The following SWT1 variants were observed in gnomAD, a reference collection of about 807,000 sequenced individuals.
SWT1 encodes transcriptional protein SWT1.
Under a neutral mutation model 107.3 loss-of-function variants are expected in SWT1, and 33 were observed. That is an observed-to-expected ratio of 0.31 (90% CI 0.23 to 0.41). The LOEUF is 0.41. Ranked by LOEUF, SWT1 falls within the 10% of genes least tolerant of loss-of-function variation. The probability of loss-of-function intolerance (pLI) is 1.00; values close to 1 mark genes in which losing one functional copy is unlikely to be tolerated. For missense variants in SWT1, 898 were observed against 1,028.9 expected (o/e 0.87, Z 1.74); for synonymous variants, 345 against 348.3 (o/e 0.99, Z 0.11).
At position 185,290,692 on chromosome 1, in the gene SWT1, A is replaced by G. The variant is rs1665207029; in HGVS notation, c.2592A>G (p.Gly864=). The change falls in exon 19 of 19, where the codon GGA becomes GGG. Residue 864 remains glycine, a synonymous_variant. Coordinates refer to ENST00000367500, the MANE Select transcript of SWT1 (RefSeq NM_017673.7). ...QTEYREKLTI[G]CRQLVEMEYT... The stretch of plus-strand genomic sequence containing the variant: ...CTCCTAGGGAAAAGTTAACCATTGG[A>G]TGCCGCCAGCTGGTTGAGATGGAAT... 1 of 1,580,130 alleles carries G rather than the reference A, an allele frequency of 6.3e-7. No individual in the cohort carries two copies. Among genetic ancestry groups the G allele is most frequent in the African/African-American group, 1.3e-5 (1 of 74,100 alleles).
rs577428490 is a variant in SWT1, at chr1:185,217,342, C to G, written c.2121+2687C>G. Among the ~76,000 whole-genome samples the G allele has an allele frequency of 6.2e-4, 95 of 152,250 alleles. 1 individual carries two copies. The highest frequency in any genetic ancestry group is 2.3e-3 in the African/African-American group (94 of 41,562). ...AACTTAATCTGTATTTACAGTTGCTCCCCATCACTCACATTACTGTCTGAG... is the reference window on the plus strand; with the variant it reads ...AACTTAATCTGTATTTACAGTTGCTGCCCATCACTCACATTACTGTCTGAG... On this transcript the variant is annotated intron_variant, in intron 14 of 18. Coordinates refer to ENST00000367500, the MANE Select transcript of SWT1 (RefSeq NM_017673.7).
intron 15 of SWT1, among the ~76,000 whole-genome samples, chr1:185,224,291 T>A (rs1659890564): frequency 6.6e-6 from 1 of 152,192 alleles, no homozygotes; most frequent in Non-Finnish European, 1.5e-5. Flanking sequence ...TCCGTTGGTT[T>A]ATGTGTCTGT....
At chr1:185,158,937 G>A (rs1653898021) in intron 1 of SWT1, among the ~76,000 whole-genome samples, 1 of 152,106 alleles carries the variant, frequency 6.6e-6, no homozygotes. Context: ...CTTGATTAGG[G>A]GTGCAGGATC....
chr1:185,257,499 G>T (rs916892871), intron 16 of SWT1, among the ~76,000 whole-genome samples: 3 of 152,162 alleles, frequency 2.0e-5, no homozygotes, highest in African/African-American at 7.2e-5. Context: ...CGTTTTTTAA[G>T]CCGGTCGGAA....
At chr1:185,247,606 A>G (rs1001938726) in intron 16 of SWT1, among the ~76,000 whole-genome samples, 2 of 152,250 alleles carry the variant, frequency 1.3e-5, no homozygotes, top group Admixed American at 6.5e-5. Context: ...AACTTGATAC[A>G]TGGAAATTTT....
chr1:185,184,228 G>GT lies in SWT1; in HGVS notation c.1139-15_1139-14insT. 1 of 1,291,400 alleles carries GT rather than the reference G, an allele frequency of 7.7e-7. No homozygotes were observed. The highest frequency in any genetic ancestry group is 1.1e-6 in the Non-Finnish European group (1 of 913,868). The allele number at this position is 1,291,400 out of a possible 1,614,324, so 80.0% of individuals were successfully genotyped here. A position where few individuals can be genotyped will look rare whatever the true frequency, so the allele number is the denominator to read the frequency against. ...TGTTATCAAGTGTCATGAAATATTTGCTCTTTTTCTTTAGCAAATAATACT... is the reference window on the plus strand; with the variant it reads ...TGTTATCAAGTGTCATGAAATATTTGTCTCTTTTTCTTTAGCAAATAATACT... On this transcript the variant is annotated splice_polypyrimidine_tract_variant and intron_variant, in intron 7 of 18. Transcript: ENST00000367500.
In SWT1 at chr1:185,277,778, T is replaced by C. The variant is rs184478741; in HGVS notation, c.2573+1110T>C. Among the ~76,000 whole-genome samples, 321 of 152,262 alleles carry C rather than the reference T, an allele frequency of 2.1e-3. 1 individual carries two copies. Among genetic ancestry groups the C allele is most frequent in the Non-Finnish European group, 3.8e-3 (256 of 68,014 alleles). On this transcript the variant is annotated intron_variant, in intron 18 of 18. Coordinates refer to ENST00000367500, the MANE Select transcript of SWT1 (RefSeq NM_017673.7). ...ATTTCTAGCTGTAACCTACCTTTTA[T>C]TCTCTCTCAAGGGATTGTATCTTTA... is the stretch of plus-strand genomic sequence containing the variant.
chr1:185,272,043 C>T (rs1321934143), intron 17 of SWT1, among the ~76,000 whole-genome samples: 1 of 152,194 alleles, frequency 6.6e-6, no homozygotes, highest in African/African-American at 2.4e-5. Flanking sequence ...ATGCCTGTAG[C>T]GATACCAGTT....
intron 15 of SWT1, chr1:185,227,161 A>C: frequency 9.2e-7 from 1 of 1,083,186 alleles, no homozygotes. Context: ...TAACCAGAGA[A>C]TTGTTTGGTA....
At chr1:185,237,671 C>T (rs1231391839) in intron 16 of SWT1, among the ~76,000 whole-genome samples, 1 of 151,942 alleles carries the variant, frequency 6.6e-6, no homozygotes, top group Non-Finnish European at 1.5e-5. Context: ...CCATTCTGCA[C>T]ATGTACCCCA....
intron 1 of SWT1, among the ~76,000 whole-genome samples, chr1:185,160,096 G>C (rs1006497762): frequency 6.6e-6 from 1 of 152,158 alleles, no homozygotes; most frequent in Non-Finnish European, 1.5e-5. Flanking sequence ...TACAAGTAAT[G>C]ACACAAAGAC....
At chr1:185,282,112 T>C (rs1454537214) in intron 18 of SWT1, among the ~76,000 whole-genome samples, 2 of 152,214 alleles carry the variant, frequency 1.3e-5, no homozygotes, top group Non-Finnish European at 2.9e-5. Context: ...TACTCATTCT[T>C]TACCTGTAAA....
intron 15 of SWT1, among the ~76,000 whole-genome samples, chr1:185,229,660 G>T (rs1209948821): frequency 6.6e-6 from 1 of 151,546 alleles, no homozygotes; most frequent in African/African-American, 2.4e-5. Context: ...CACACAATTT[G>T]CTTGTATATC....
chr1:185,261,700 A>G (rs1663030684), intron 16 of SWT1, among the ~76,000 whole-genome samples: 1 of 150,314 alleles, frequency 6.7e-6, no homozygotes, highest in South Asian at 2.1e-4. Context: ...AATAGTAGTC[A>G]TCCTAATGGA....
intron 2 of SWT1, among the ~76,000 whole-genome samples, chr1:185,165,737 T>G (rs563959114): frequency 6.6e-6 from 1 of 152,314 alleles, no homozygotes; most frequent in South Asian, 2.1e-4. Context: ...CCTGACACTC[T>G]CCTGACATAA....
intron 13 of SWT1, among the ~76,000 whole-genome samples, chr1:185,214,114 C>A (rs768359250): frequency 3.9e-5 from 6 of 152,070 alleles, no homozygotes; most frequent in Non-Finnish European, 8.8e-5. Context: ...GACATGCTTA[C>A]CAGTGTAGTC....
At chr1:185,275,755 G>A (rs1664199307) in intron 17 of SWT1, among the ~76,000 whole-genome samples, 1 of 151,874 alleles carries the variant, frequency 6.6e-6, no homozygotes, top group South Asian at 2.1e-4. Flanking sequence ...AACTTTCTAT[G>A]AAAACATTGA....
chr1:185,275,921 T>G (rs1004789633), intron 17 of SWT1, among the ~76,000 whole-genome samples: 4 of 152,200 alleles, frequency 2.6e-5, no homozygotes, highest in African/African-American at 9.6e-5. Context: ...AAATGTTTTT[T>G]AAGTAAATTG....
chr1:185,234,160 T>G (rs1345723891), intron 16 of SWT1, among the ~76,000 whole-genome samples: 2 of 152,230 alleles, frequency 1.3e-5, no homozygotes, highest in Non-Finnish European at 2.9e-5. Context: ...GTTCAAGTCC[T>G]GGATATCTTT....
Sources: gnomAD v4.1 joint callset for allele counts (sites outside exome capture counted in the v4.1 genomes callset) on GRCh38, gnomAD v4.1.1 for gene constraint, MANE v1.5 for transcripts, NCBI Gene and HGNC (gene_info 2026-07-23, HGNC 2026-07-21) for gene names.